The following BBS9 variants were observed in gnomAD, a reference collection of about 807,000 sequenced individuals.
The protein encoded by BBS9 is Bardet-Biedl syndrome 9, also known as protein PTHB1.
In BBS9, 89 loss-of-function variants were observed where a neutral mutation model predicts 117.7. The observed-to-expected ratio is 0.76, with a 90% CI of 0.64 to 0.90. The LOEUF (loss-of-function observed/expected upper bound fraction) is 0.90, where lower values mean the gene tolerates loss of function less well. BBS9 is among the 40% of genes least tolerant of loss of function. The probability of loss-of-function intolerance (pLI) is 0.00; values close to 1 mark genes in which losing one functional copy is unlikely to be tolerated. For synonymous variants in BBS9, 379 were observed against 370.9 expected (o/e 1.02, Z -0.25); for missense variants, 982 against 1,042.2 (o/e 0.94, Z 0.80).
intron 21 of BBS9, among the ~76,000 whole-genome samples, chr7:33,550,342 C>T (rs532947167): frequency 6.6e-6 from 1 of 152,210 alleles, no homozygotes; most frequent in Admixed American, 6.5e-5. Flanking sequence ...TACTTACAAG[C>T]AACTCATCCA....
chr7:33,172,309 C>T (rs940667979), intron 4 of BBS9, among the ~76,000 whole-genome samples: 9 of 150,724 alleles, frequency 6.0e-5, no homozygotes, highest in Non-Finnish European at 1.0e-4. Flanking sequence ...TTAACCCAGG[C>T]GGTGGAGCTT....
intron 6 of BBS9, among the ~76,000 whole-genome samples, chr7:33,262,379 G>C (rs984869971): frequency 6.6e-6 from 1 of 152,124 alleles, no homozygotes; most frequent in South Asian, 2.1e-4. Flanking sequence ...GTTGGTTTCT[G>C]TAGGAAATGA....
Position 33,388,017 on chromosome 7 carries a change from A to G in BBS9, c.1988A>G (p.Glu663Gly). Reference sequence around the variant, plus strand: ...CTACGGATAAATGGTGAAAAATTAGAAGAACTCTTATCTGAGAGAGCTGTA... The same window carrying G: ...CTACGGATAAATGGTGAAAAATTAGGAGAACTCTTATCTGAGAGAGCTGTA... ...FELRINGEKL[E>G]ELLSERAVQF... Residue 663 changes from glutamate (E) to glycine (G), a missense_variant, in exon 19 of 23, where the codon GAA becomes GGA. Glu to Gly is a moderately conservative substitution (Grantham distance 98). Transcript: ENST00000242067. The G allele has an allele frequency of 1.9e-6, 3 of 1,614,164 alleles. No individual in the cohort carries two copies. The highest frequency in any genetic ancestry group is 2.5e-6 in the Non-Finnish European group (3 of 1,180,002).
At chr7:33,192,019 T>C (rs1224808288) in intron 5 of BBS9, among the ~76,000 whole-genome samples, 1 of 151,854 alleles carries the variant, frequency 6.6e-6, no homozygotes, top group Non-Finnish European at 1.5e-5. Flanking sequence ...ATGTGGACAG[T>C]AGAATATAAT....
chr7:33,403,730 G>A (rs1159464203), intron 19 of BBS9, among the ~76,000 whole-genome samples: 1 of 151,964 alleles, frequency 6.6e-6, no homozygotes. Flanking sequence ...GGACATTTGG[G>A]TTAGTTCCAA....
At chr7:33,296,734 G>A (rs1024778734) in intron 9 of BBS9, among the ~76,000 whole-genome samples, 20 of 152,094 alleles carry the variant, frequency 1.3e-4, no homozygotes, top group Non-Finnish European at 2.2e-4. Flanking sequence ...AACACTCTTG[G>A]TATGTGAAGA....
At chr7:33,317,195 T>G (rs1810690366) in intron 9 of BBS9, among the ~76,000 whole-genome samples, 1 of 152,240 alleles carries the variant, frequency 6.6e-6, no homozygotes, top group African/African-American at 2.4e-5. Context: ...GAGTCTTTAT[T>G]CTGTTCCATT....
chr7:33,344,290 C>T (rs1356480799), intron 11 of BBS9, among the ~76,000 whole-genome samples: 3 of 151,302 alleles, frequency 2.0e-5, no homozygotes, highest in African/African-American at 4.9e-5. Flanking sequence ...ACGGTGGTCT[C>T]GATCTCCTGA....
At chr7:33,239,993 C>CT (rs1794207857) in intron 5 of BBS9, among the ~76,000 whole-genome samples, 3 of 152,058 alleles carry the variant, frequency 2.0e-5, no homozygotes, top group Non-Finnish European at 2.9e-5. Context: ...CAGAGCAAGA[C>CT]CCTGTCTTAA....
intron 20 of BBS9, among the ~76,000 whole-genome samples, chr7:33,530,184 G>T (rs539718408): frequency 6.6e-6 from 1 of 152,092 alleles, no homozygotes; most frequent in Non-Finnish European, 1.5e-5. Context: ...TTGAATTTAT[G>T]TAGCAATTCA....
At chr7:33,247,571 C>G (rs73307400) in intron 5 of BBS9, among the ~76,000 whole-genome samples, 17,230 of 152,144 alleles carry the variant, frequency 0.11, 1,152 homozygotes, top group African/African-American at 0.18. Flanking sequence ...CCTGCAAGAC[C>G]CAGTGTTCTG....
chr7:33,399,680 T>TA (rs1201484910), intron 19 of BBS9, among the ~76,000 whole-genome samples: 2 of 152,202 alleles, frequency 1.3e-5, no homozygotes, highest in East Asian at 3.8e-4. Context: ...AATGGGGACT[T>TA]AGGGATCATC....
intron 21 of BBS9, among the ~76,000 whole-genome samples, chr7:33,558,483 C>T (rs964894501): frequency 2.6e-5 from 4 of 152,114 alleles, no homozygotes; most frequent in African/African-American, 9.6e-5. Context: ...AAAGGAGGTA[C>T]GAAAGGAGGC....
At chr7:33,635,612 G>T (rs1425660408) in exon 22 of BBS9, among the ~76,000 whole-genome samples, 2 of 152,196 alleles carry the variant, frequency 1.3e-5, no homozygotes, top group African/African-American at 2.4e-5. Context: ...AATCCTCTGT[G>T]CTTTGACTGA....
chr7:33,430,234 A>C (rs1834238799), intron 19 of BBS9, among the ~76,000 whole-genome samples: 1 of 152,206 alleles, frequency 6.6e-6, no homozygotes, highest in Admixed American at 6.5e-5. Context: ...ACTTACTCAA[A>C]AGATGTTGAG....
chr7:33,507,035 T>C (rs923443901), intron 20 of BBS9, among the ~76,000 whole-genome samples: 9 of 152,230 alleles, frequency 5.9e-5, no homozygotes, highest in Admixed American at 5.2e-4. Context: ...GTTCAGTTTC[T>C]TAACTGTTCT....
At chr7:33,531,461 C>T (rs546965242) in intron 20 of BBS9, among the ~76,000 whole-genome samples, 7 of 152,096 alleles carry the variant, frequency 4.6e-5, no homozygotes, top group Non-Finnish European at 7.4e-5. Context: ...CACTCCAAGC[C>T]GCAGCCCAGT....
chr7:33,632,909 G>A (rs1865961857), intron 21 of BBS9, among the ~76,000 whole-genome samples: 1 of 152,142 alleles, frequency 6.6e-6, no homozygotes, highest in South Asian at 2.1e-4. Flanking sequence ...TTGAGGCCAC[G>A]TCTTCATTTT....
intron 5 of BBS9, among the ~76,000 whole-genome samples, chr7:33,254,981 C>T (rs961641165): frequency 4.6e-5 from 7 of 151,894 alleles, no homozygotes; most frequent in African/African-American, 1.5e-4. Flanking sequence ...CTATTTTAGT[C>T]CTTTGCCCAT....
Sources: allele counts gnomAD v4.1 joint callset (sites outside exome capture counted in the v4.1 genomes callset), GRCh38; gene constraint gnomAD v4.1.1; transcripts MANE v1.5; gene names NCBI Gene and HGNC (gene_info 2026-07-23, HGNC 2026-07-21).